Variants in SAP130 observed in about 807,000 individuals in gnomAD.
SAP130 encodes the protein Sin3A associated protein 130.
In SAP130, 16 loss-of-function variants were observed where a neutral mutation model predicts 103.2. The ratio of observed to expected loss-of-function variants is 0.16; its 90% CI spans 0.10 to 0.24. SAP130 has a LOEUF of 0.24. SAP130 is among the 10% of genes least tolerant of loss of function. SAP130 has a pLI of 1.00. For synonymous variants in SAP130, 477 were observed against 497.0 expected, an observed-to-expected ratio of 0.96 and a Z score of 0.53; for missense variants, 990 against 1,359.7, an observed-to-expected ratio of 0.73 and a Z score of 4.28.
rs1172618148 is a variant in SAP130, at chr2:127,989,378, G to A, written c.1780+186C>T. Among the ~76,000 whole-genome samples the A allele has an allele frequency of 1.3e-5, 2 of 152,054 alleles. No individual in the cohort carries two copies. The highest frequency in any genetic ancestry group is 1.3e-4 in the Admixed American group (2 of 15,258). ...TCCCAAAGTGCTGGGATTACAGTGA[G>A]GTATATTATTTCTAACGTTTACAGT... On this transcript the variant is annotated intron_variant, in intron 13 of 20. Transcript: ENST00000643581. This position sits in a 1 kb window ranked among gnomAD's most constrained non-coding sequence, Gnocchi z 4.6.
chr2:127,941,317 G>A lies in SAP130; in HGVS notation c.*689C>T, dbSNP rs1343072093. The stretch of plus-strand genomic sequence containing the variant: ...CAGCTACAGAAGTACAGATAACCAA[G>A]AATGTACTTCAGAACAAGGATCTGA... On this transcript the variant is annotated 3_prime_UTR_variant, in exon 21 of 21. Coordinates refer to ENST00000643581, the MANE Select transcript of SAP130 (RefSeq NM_001330301.2). The A allele has an allele frequency of 1.3e-5, 2 of 152,190 alleles. No homozygotes were observed. Among genetic ancestry groups the A allele is most frequent in the African/African-American group, 4.8e-5 (2 of 41,432 alleles). 9.4% of individuals were successfully genotyped at this position (152,190 alleles called of 1,614,324 possible).
At chr2:127,981,351 G>GCACCCCGAC (rs1681876984) in intron 14 of SAP130, among the ~76,000 whole-genome samples, 5 of 73,246 alleles carry the variant, frequency 6.8e-5, no homozygotes, top group African/African-American at 1.6e-4. Context: ...CAGTCCTCCT[G>GCACCCCGAC]TACCCTCGAC....
rs1490737178 is a variant in SAP130 at position 127,950,204 on chromosome 2, A to G, written c.2627T>C (p.Leu876Pro). The G allele has an allele frequency of 1.2e-6, 2 of 1,614,100 alleles. No homozygotes were observed. Among genetic ancestry groups the G allele is most frequent in the East Asian group, 2.2e-5 (1 of 44,900 alleles). ...AGACTTGCGCTTCTCAGCCTTCACC[A>G]GAAGACTCTTGGCAGTGGACTTCTC... The part of the protein sequence containing the change: ...DDEKSTAKSL[L>P]VKAEKRKSPP... The change falls in exon 17 of 21, where the codon CTG (leucine) becomes CCG (proline). Residue 876 changes from leucine to proline, a missense_variant. Around this residue, in one of 6 missense-constraint regions of SAP130, gnomAD observed 61 missense variants for 73.8 expected, o/e 0.83. Coordinates refer to ENST00000643581, the MANE Select transcript of SAP130 (RefSeq NM_001330301.2).
chr2:128,014,156 C>T (rs1446792440), intron 5 of SAP130, among the ~76,000 whole-genome samples: 1 of 152,138 alleles, frequency 6.6e-6, no homozygotes, highest in African/African-American at 2.4e-5. Context: ...TGTAATACAA[C>T]TATAATAAGC....
intron 6 of SAP130, 138 bp from the exon 7 acceptor site, chr2:128,010,531 T>C (rs1684318301): frequency 4.4e-6 from 4 of 910,540 alleles, no homozygotes; most frequent in East Asian, 5.4e-5. Flanking sequence ...ACCATTCCAA[T>C]TAAGGAATTC....
At chr2:127,974,907 T>C (rs1681353646) in intron 15 of SAP130, among the ~76,000 whole-genome samples, 2 of 152,232 alleles carry the variant, frequency 1.3e-5, no homozygotes, top group African/African-American at 4.8e-5. Context: ...AGTAAAGTCC[T>C]GTACAGATTT....
intron 2 of SAP130, among the ~76,000 whole-genome samples, chr2:128,024,281 CA>C (rs1685346690): frequency 6.6e-6 from 1 of 150,746 alleles, no homozygotes; most frequent in Non-Finnish European, 1.5e-5. Flanking sequence ...GAGTTTGAGA[CA>C]AGCCTGGTCA....
intron 14 of SAP130, among the ~76,000 whole-genome samples, chr2:127,980,281 T>C (rs940713135): frequency 6.6e-6 from 1 of 151,904 alleles, no homozygotes. Flanking sequence ...CCCCCAACAC[T>C]GGCCAAAAAC....
At position 127,993,271 on chromosome 2, in the gene SAP130, T is replaced by C. The variant is rs1209419140; in HGVS notation, c.1393A>G (p.Thr465Ala). ...AGTGGGTATGCAGAAGGGGGGTAAG[T>C]TGGCAAAAAATATTGGAACTGAACG... Reference protein sequence around the residue: ...VPVQFQYFLPTYPPSAYPLAA... With the variant: ...VPVQFQYFLPAYPPSAYPLAA... The change falls in exon 12 of 21, where the codon ACT becomes GCT. Residue 465 changes from threonine (T) to alanine (A), a missense_variant. Physicochemically the swap from Thr to Ala is moderately conservative, Grantham distance 58. This residue lies in a region of SAP130 where 336 missense variants were observed against 520.1 expected (regional missense o/e 0.65). Transcript: ENST00000643581. 5 of 1,613,452 alleles carry C rather than the reference T, an allele frequency of 3.1e-6. No individual in the cohort carries two copies. The highest frequency in any genetic ancestry group is 4.2e-6 in the Non-Finnish European group (5 of 1,179,840).
In SAP130 at chr2:127,941,941, ACCCTCCCCC is replaced by A; in HGVS notation, c.*56_*64del. On this transcript the variant is annotated 3_prime_UTR_variant, in exon 21 of 21. Transcript: ENST00000643581. ...ATGTTCCACTTTGGAAAAAACCAAAACCCTCCCCCCACCCCCACCATCATTCTTCATAAA... is the reference window on the plus strand; with the variant it reads ...ATGTTCCACTTTGGAAAAAACCAAAACACCCCCACCATCATTCTTCATAAA... 7.2e-6 allele frequency: 2 copies of A among 276,730 alleles called. No homozygotes were observed. Among genetic ancestry groups the A allele is most frequent in the Non-Finnish European group, 1.4e-5 (2 of 145,390 alleles). The allele number at this position is 276,730 out of a possible 1,614,324, so 17.1% of individuals were successfully genotyped here.
At position 127,986,367 on chromosome 2, in the gene SAP130, G is replaced by T. The variant is rs1682390340; in HGVS notation, c.1958+418C>A. Among the ~76,000 whole-genome samples, 1 of 152,212 alleles carries T rather than the reference G, an allele frequency of 6.6e-6. No homozygotes were observed. The highest frequency in any genetic ancestry group is 2.4e-5 in the African/African-American group (1 of 41,450). On this transcript the variant is annotated intron_variant, in intron 14 of 20. Coordinates refer to ENST00000643581, the MANE Select transcript of SAP130 (RefSeq NM_001330301.2). This position sits in a 1 kb window ranked among gnomAD's most constrained non-coding sequence, Gnocchi z 4.7. ...AATGAAGAAGCGAGCCACTCCCACT[G>T]TTGCACGCCCTGCGAGGGGGACAAG...
intron 14 of SAP130, among the ~76,000 whole-genome samples, chr2:127,984,955 C>T (rs952821520): frequency 4.6e-5 from 7 of 152,174 alleles, no homozygotes; most frequent in African/African-American, 1.7e-4. Context: ...CCTTCCTTCG[C>T]CCCCAGGATT....
chr2:127,989,682 C>T lies in SAP130; in HGVS notation c.1662G>A (p.Gly554=). ...GIQPAPIGTP[G]IQPAPLGTQG... ...GTGTGCCAAGTGGTGCAGGCTGTAT[C>T]CCTGGGGTCCCAATGGGGGCCGGCT... Residue 554 remains glycine, a synonymous_variant, in exon 13 of 21, where the codon GGG becomes GGA. Transcript: ENST00000643581. The surrounding 1 kb of genome is among the most constrained non-coding windows in gnomAD (Gnocchi z 4.6). The T allele has an allele frequency of 1.9e-6, 3 of 1,614,136 alleles. No homozygotes were observed. The highest frequency in any genetic ancestry group is 2.5e-6 in the Non-Finnish European group (3 of 1,180,040).
At position 127,978,018 on chromosome 2, in the gene SAP130, A is replaced by G. The variant is rs766379766; in HGVS notation, c.2030T>C (p.Met677Thr). The G allele has an allele frequency of 1.8e-5, 28 of 1,551,972 alleles. No individual in the cohort carries two copies. Among genetic ancestry groups the G allele is most frequent in the East Asian group, 1.2e-4 (5 of 40,936 alleles). The change falls in exon 15 of 21, where the codon ATG becomes ACG. Residue 677 changes from methionine to threonine, a missense_variant. Met to Thr is a moderately conservative substitution (Grantham distance 81). Transcript: ENST00000643581. ...CCTAGGTGACCCAGACGTACTCCGC[A>G]TAGAGCTTTCCACTCGAGGACTAGC... is the stretch of plus-strand genomic sequence containing the variant. ...DVASPRVESSMRSTSGSPRPA... is the reference protein window; with the variant it reads ...DVASPRVESSTRSTSGSPRPA...
In SAP130 at chr2:127,989,703, C is replaced by A; in HGVS notation, c.1641G>T (p.Pro547=). 1.2e-6 allele frequency: 2 copies of A among 1,614,060 alleles called. No homozygotes were observed. The highest frequency in any genetic ancestry group is 1.1e-5 in the South Asian group (1 of 91,082). Residue 547 remains proline (P), a synonymous_variant, in exon 13 of 21, where the codon CCG becomes CCT. Transcript: ENST00000643581. The surrounding 1 kb of genome is among the most constrained non-coding windows in gnomAD (Gnocchi z 4.6). The part of the protein sequence containing the change: ...PAPISTQGIQ[P]APIGTPGIQP... ...GTATCCCTGGGGTCCCAATGGGGGCCGGCTGGATACCCTGGGTACTGATGG... is the reference window on the plus strand; with the variant it reads ...GTATCCCTGGGGTCCCAATGGGGGCAGGCTGGATACCCTGGGTACTGATGG...
At chr2:127,968,414 GTT>G (rs772856433) in intron 15 of SAP130, among the ~76,000 whole-genome samples, 198 of 133,890 alleles carry the variant, frequency 1.5e-3, no homozygotes, top group African/African-American at 4.6e-3. Context: ...CCCGGAGTTG[GTT>G]TTTTTTTTTT....
At chr2:127,999,283 G>A (rs1018058137) in intron 10 of SAP130, among the ~76,000 whole-genome samples, 3 of 152,122 alleles carry the variant, frequency 2.0e-5, no homozygotes, top group Admixed American at 1.3e-4. Context: ...TTTACGTCCA[G>A]TCACCAGTAT....
chr2:127,976,009 TA>T (rs1681436841), intron 15 of SAP130, among the ~76,000 whole-genome samples: 2 of 152,312 alleles, frequency 1.3e-5, no homozygotes, highest in South Asian at 4.1e-4. Flanking sequence ...CATGCCCGGC[TA>T]ATTTTTTGTG....
intron 15 of SAP130, among the ~76,000 whole-genome samples, chr2:127,958,904 C>T (rs1680038271): frequency 6.6e-6 from 1 of 152,170 alleles, no homozygotes; most frequent in Non-Finnish European, 1.5e-5. Context: ...AGCAATCTGC[C>T]TGCCTTGGTC....
Sources: gnomAD v4.1 joint callset for allele counts (sites outside exome capture counted in the v4.1 genomes callset) on GRCh38, gnomAD v4.1.1 for gene constraint, gnomAD v4.1.1 regional missense constraint, Gnocchi (gnomAD v3.1) non-coding constraint, MANE v1.5 for transcripts, NCBI Gene and HGNC (gene_info 2026-07-23, HGNC 2026-07-21) for gene names.